AVEN: variants seen among roughly 807,000 people sequenced by gnomAD.
AVEN encodes apoptosis and caspase activation inhibitor, also known as cell death regulator Aven.
AVEN carries 41 observed loss-of-function variants against 38.1 expected under a neutral mutation model. The ratio of observed to expected loss-of-function variants is 1.08; its 90% CI spans 0.84 to 1.40. The LOEUF is 1.40. Ranked by LOEUF, AVEN falls within the 40% of genes most tolerant of loss-of-function variation. AVEN has a pLI of 0.00. For missense variants in AVEN, 605 were observed against 438.8 expected, an observed-to-expected ratio of 1.38 and a Z score of -3.38; for synonymous variants, 206 against 171.8, an observed-to-expected ratio of 1.20 and a Z score of -1.56.
chr15:33,853,821 T>G, downstream of AVEN: 1 of 1,072,690 alleles, frequency 9.3e-7, no homozygotes, highest in African/African-American at 1.6e-5. Context: ...GTTCTAACAC[T>G]GGGAGAGCAC....
chr15:33,937,674 G>C (rs981015397), intron 2 of AVEN, among the ~76,000 whole-genome samples: 11 of 152,070 alleles, frequency 7.2e-5, no homozygotes, highest in African/African-American at 2.4e-4. Flanking sequence ...CATGAGGACA[G>C]GGCCTTCACA....
At chr15:33,863,885 G>C (rs902873660), downstream of AVEN, among the ~76,000 whole-genome samples, 2 of 152,160 alleles carry the variant, frequency 1.3e-5, no homozygotes, top group African/African-American at 2.4e-5. Flanking sequence ...TACCTTGCAA[G>C]TGATCTTACT....
chr15:34,001,327 T>A (rs1029803258), intron 2 of AVEN, among the ~76,000 whole-genome samples: 1 of 152,192 alleles, frequency 6.6e-6, no homozygotes, highest in African/African-American at 2.4e-5. Context: ...CAGCCTGGAC[T>A]AGAATTTTTA....
rs185172349 is a variant in AVEN at position 34,062,443 on chromosome 15, T to C, written n.1637+479A>G. Among the ~76,000 whole-genome samples the C allele has an allele frequency of 9.4e-3, 1,418 of 150,650 alleles. 22 individuals carry two copies. Among genetic ancestry groups the C allele is most frequent in the African/African-American group, 0.031 (1,287 of 40,972 alleles). ...GGTGGTGGGAGCCTGTGATCCCAGCTACTCGGGAGGCTGAGGCAGGAGAAT... is the reference window on the plus strand; with the variant it reads ...GGTGGTGGGAGCCTGTGATCCCAGCCACTCGGGAGGCTGAGGCAGGAGAAT... On this transcript the variant is annotated intron_variant and non_coding_transcript_variant, in intron 5 of 11. Transcript: ENST00000675287.
At chr15:34,053,324 AT>A (rs1462917363) in intron 5 of AVEN, among the ~76,000 whole-genome samples, 15 of 113,774 alleles carry the variant, frequency 1.3e-4, no homozygotes, top group African/African-American at 5.4e-4. Context: ...AAAAAAATAT[AT>A]ATATATATAT....
downstream of AVEN, chr15:33,865,260 G>A (rs759249813): frequency 6.9e-5 from 102 of 1,476,454 alleles, no homozygotes; most frequent in Non-Finnish European, 9.2e-5. Flanking sequence ...ATTCTGGACA[G>A]TCAACTTCCC....
At chr15:33,854,501 C>T, downstream of AVEN, 2 of 1,420,672 alleles carry the variant, frequency 1.4e-6, no homozygotes, top group Non-Finnish European at 9.6e-7. Flanking sequence ...TCAGGGATGC[C>T]ACAGAGAAGC....
At chr15:33,874,470 C>T (rs558354888) in intron 3 of AVEN, among the ~76,000 whole-genome samples, 31 of 152,206 alleles carry the variant, frequency 2.0e-4, no homozygotes, top group Non-Finnish European at 4.0e-4. Context: ...CTACCAGAGT[C>T]ACACTTGTCC....
At chr15:33,875,684 C>T (rs190697742) in intron 3 of AVEN, among the ~76,000 whole-genome samples, 147 of 152,268 alleles carry the variant, frequency 9.7e-4, no homozygotes, top group African/African-American at 3.4e-3. Flanking sequence ...GTTTCTACCT[C>T]GAGACCCCGT....
At chr15:33,937,929 G>A (rs1311993921) in intron 2 of AVEN, among the ~76,000 whole-genome samples, 3 of 51,450 alleles carry the variant, frequency 5.8e-5, no homozygotes, top group Non-Finnish European at 7.7e-5. Context: ...ATCCCTACTT[G>A]ACCAAAAAAA....
chr15:34,003,936 T>A (rs1897234265), intron 1 of AVEN, among the ~76,000 whole-genome samples: 1 of 152,230 alleles, frequency 6.6e-6, no homozygotes, highest in African/African-American at 2.4e-5. Context: ...AATCTATTTT[T>A]AAATATTGAG....
At chr15:33,917,756 G>A (rs996714656) in intron 2 of AVEN, among the ~76,000 whole-genome samples, 10 of 152,150 alleles carry the variant, frequency 6.6e-5, no homozygotes, top group African/African-American at 2.4e-4. Context: ...AACGTCATAT[G>A]TTCTCACTCA....
At chr15:33,913,541 G>A (rs1224052586) in intron 2 of AVEN, among the ~76,000 whole-genome samples, 1 of 152,122 alleles carries the variant, frequency 6.6e-6, no homozygotes, top group African/African-American at 2.4e-5. Context: ...TAAGACCCAT[G>A]GTGAGGGTGA....
At chr15:34,053,899 G>T (rs569715364) in intron 5 of AVEN, among the ~76,000 whole-genome samples, 126 of 152,156 alleles carry the variant, frequency 8.3e-4, no homozygotes, top group Middle Eastern at 3.4e-3. Flanking sequence ...ACAACTTACA[G>T]AATGGGAGAA....
chr15:33,855,450 C>T (rs564332060), downstream of AVEN, among the ~76,000 whole-genome samples: 10 of 152,328 alleles, frequency 6.6e-5, no homozygotes, highest in South Asian at 2.1e-4. Flanking sequence ...GTGATCCACC[C>T]GCCTCGGCCT....
downstream of AVEN, chr15:33,864,258 T>C (rs867401825): frequency 2.4e-6 from 3 of 1,240,826 alleles, no homozygotes; most frequent in East Asian, 2.4e-5. Context: ...TAGTAGGGCA[T>C]AGGTTATCTG....
intron 2 of AVEN, among the ~76,000 whole-genome samples, chr15:33,973,568 T>C (rs920637610): frequency 2.0e-5 from 3 of 152,142 alleles, no homozygotes; most frequent in African/African-American, 4.8e-5. Context: ...AACCTATTTA[T>C]GGCCAAGCGC....
chr15:33,991,753 C>T (rs1896735920), intron 2 of AVEN: 1 of 151,738 alleles, frequency 6.6e-6, no homozygotes. Flanking sequence ...TAACCTATGA[C>T]TAAGAAACAA....
At chr15:34,066,773 C>T (rs925250582) in exon 3 of AVEN, 1 of 150,790 alleles carries the variant, frequency 6.6e-6, no homozygotes, top group Non-Finnish European at 1.5e-5. Context: ...TATGATCACA[C>T]TACTGCATTC....
Sources: allele counts gnomAD v4.1 joint callset (sites outside exome capture counted in the v4.1 genomes callset), GRCh38; gene constraint gnomAD v4.1.1; transcripts MANE v1.5; gene names NCBI Gene and HGNC (gene_info 2026-07-23, HGNC 2026-07-21).